Variants in POU2F1 observed in about 807,000 individuals in gnomAD.
The protein encoded by POU2F1 is POU class 2 homeobox 1.
POU2F1 carries 16 observed loss-of-function variants against 84.9 expected under a neutral mutation model. The ratio of observed to expected loss-of-function variants is 0.19; its 90% CI spans 0.13 to 0.29. The LOEUF is 0.29. POU2F1 is among the 10% of genes least tolerant of loss of function. POU2F1 has a pLI of 1.00. For synonymous variants in POU2F1, 368 were observed against 368.3 expected, an observed-to-expected ratio of 1.00 and a Z score of 0.01; for missense variants, 738 against 942.6, an observed-to-expected ratio of 0.78 and a Z score of 2.84.
chr1:167,404,631 G>A (rs1649442833), intron 13 of POU2F1, among the ~76,000 whole-genome samples: 2 of 152,202 alleles, frequency 1.3e-5, no homozygotes, highest in South Asian at 4.1e-4. Context: ...GGAGGGAAAG[G>A]CCCACTGTGA....
At chr1:167,384,431 A>G (rs1647804785) in intron 8 of POU2F1, among the ~76,000 whole-genome samples, 1 of 152,128 alleles carries the variant, frequency 6.6e-6, no homozygotes, top group East Asian at 1.9e-4. Context: ...TAGACATATA[A>G]AGGTTTAAAT....
At chr1:167,306,700 G>A (rs1187755360) in intron 1 of POU2F1, among the ~76,000 whole-genome samples, 4 of 152,074 alleles carry the variant, frequency 2.6e-5, no homozygotes, top group Non-Finnish European at 5.9e-5. Context: ...TCTTTCTGAG[G>A]GCTGTGAAGC....
intron 2 of POU2F1, among the ~76,000 whole-genome samples, chr1:167,338,779 T>C (rs1378618755): frequency 1.3e-5 from 2 of 152,240 alleles, no homozygotes; most frequent in Non-Finnish European, 2.9e-5. Flanking sequence ...TATTCCATTG[T>C]ATGTATATAC....
rs1650959008 is a variant in POU2F1, at chr1:167,426,487, G to T, written c.*10677G>T. On this transcript the variant is annotated 3_prime_UTR_variant, in exon 16 of 16. Transcript: ENST00000367866. ...TAATCTCCCACCAGGTGTCAATTTA[G>T]ATTGCATATTCCTCATTACTGTTCC... 2 of 152,184 alleles carry T rather than the reference G, an allele frequency of 1.3e-5. No homozygotes were observed. The highest frequency in any genetic ancestry group is 1.3e-4 in the Admixed American group (2 of 15,288). 9.4% of individuals were successfully genotyped at this position (152,184 alleles called of 1,614,324 possible). A position where few individuals can be genotyped will look rare whatever the true frequency, so the allele number is the denominator to read the frequency against.
At chr1:167,278,812 G>GAATTTAATAAAACTCTATTA (rs1652919808) in intron 1 of POU2F1, among the ~76,000 whole-genome samples, 1 of 150,678 alleles carries the variant, frequency 6.6e-6, no homozygotes, top group African/African-American at 2.4e-5. Context: ...TATTTTAATA[G>GAATTTAATAAAACTCTATTA]AATTTAATAA....
At chr1:167,221,708 G>A (rs1648205635) in intron 1 of POU2F1, among the ~76,000 whole-genome samples, 1 of 151,484 alleles carries the variant, frequency 6.6e-6, no homozygotes, top group East Asian at 2.0e-4. Flanking sequence ...CCAATGTGGT[G>A]GCCTGACCCA....
chr1:167,414,826 A>G, intron 15 of POU2F1: 1 of 754,350 alleles, frequency 1.3e-6, no homozygotes, highest in Non-Finnish European at 1.6e-6. Flanking sequence ...GGTGATACAT[A>G]ATTTATTTTA....
chr1:167,370,058 C>G, intron 3 of POU2F1, 103 bp from the exon 4 acceptor site: 1 of 952,192 alleles, frequency 1.1e-6, no homozygotes. Flanking sequence ...TTTGTCTTCT[C>G]AGTTCTAGCT....
chr1:167,286,159 A>G (rs1278587151), intron 1 of POU2F1, among the ~76,000 whole-genome samples: 1 of 152,218 alleles, frequency 6.6e-6, no homozygotes, highest in African/African-American at 2.4e-5. Context: ...AGTCAGTTTC[A>G]TTCAGCTTTT....
chr1:167,417,991 T>C lies in POU2F1; in HGVS notation c.*2181T>C, dbSNP rs1650418708. ...CACCTTCCCTAAAATCCTTCCAAAA[T>C]CAGTGAACTGCAAGCAGGGAAACTA... On this transcript the variant is annotated 3_prime_UTR_variant, in exon 16 of 16. Coordinates refer to ENST00000367866, the MANE Select transcript of POU2F1 (RefSeq NM_002697.4). 1 of 152,206 alleles carries C rather than the reference T, an allele frequency of 6.6e-6. No homozygotes were observed. Among genetic ancestry groups the C allele is most frequent in the African/African-American group, 2.4e-5 (1 of 41,452 alleles). The allele number at this position is 152,206 out of a possible 1,614,324, so 9.4% of individuals were successfully genotyped here.
intron 1 of POU2F1, among the ~76,000 whole-genome samples, chr1:167,247,181 T>C (rs1418494965): frequency 6.6e-6 from 1 of 151,996 alleles, no homozygotes; most frequent in Non-Finnish European, 1.5e-5. Context: ...GCTTAAGTGA[T>C]GTAACTGCCT....
At position 167,275,122 on chromosome 1, in the gene POU2F1, A is replaced by G. The variant is rs1035373220; in HGVS notation, c.61+54164A>G. ...ACGGCACCTTTGAGCTCCCAGGCTCAAGCAGTCCTTCCACCTCAGCCTTCC... is the reference window on the plus strand; with the variant it reads ...ACGGCACCTTTGAGCTCCCAGGCTCGAGCAGTCCTTCCACCTCAGCCTTCC... On this transcript the variant is annotated intron_variant, in intron 1 of 15. Transcript: ENST00000367866. Among the ~76,000 whole-genome samples the G allele has an allele frequency of 2.0e-5, 3 of 150,148 alleles. No homozygotes were observed. In the East Asian group the frequency reaches 5.9e-4, roughly 30 times the overall value.
At chr1:167,249,395 C>G (rs1557844826) in intron 1 of POU2F1, among the ~76,000 whole-genome samples, 1 of 152,174 alleles carries the variant, frequency 6.6e-6, no homozygotes, top group Non-Finnish European at 1.5e-5. Context: ...AGGAAACTTG[C>G]TAGGCAGTGT....
chr1:167,274,608 A>G (rs1193276029), intron 1 of POU2F1, among the ~76,000 whole-genome samples: 1 of 152,098 alleles, frequency 6.6e-6, no homozygotes, highest in African/African-American at 2.4e-5. Flanking sequence ...GCCCTAGTAA[A>G]TATAGACCAA....
At chr1:167,399,112 G>A in intron 11 of POU2F1, 74 bp from the exon 12 acceptor site, 1 of 1,419,178 alleles carries the variant, frequency 7.0e-7, no homozygotes, top group South Asian at 1.4e-5. Flanking sequence ...TTTCTAACCT[G>A]ACGTGATTAT....
intron 1 of POU2F1, among the ~76,000 whole-genome samples, chr1:167,296,978 A>ATGG (rs10686957): frequency 0.11 from 16,216 of 152,090 alleles, 2,136 homozygotes; most frequent in African/African-American, 0.32. Flanking sequence ...TAGGCTAGAA[A>ATGG]TGGTGCAGGT....
At chr1:167,380,210 C>T (rs1647415961) in intron 7 of POU2F1, 1 of 152,178 alleles carries the variant, frequency 6.6e-6, no homozygotes, top group Non-Finnish European at 1.5e-5. Context: ...GGAAAGTTAA[C>T]TTTATGGGCC....
intron 1 of POU2F1, among the ~76,000 whole-genome samples, chr1:167,253,900 C>T (rs1037358024): frequency 6.6e-6 from 1 of 152,056 alleles, no homozygotes; most frequent in Non-Finnish European, 1.5e-5. Flanking sequence ...CTATTTGCTC[C>T]TTGCTTTTCT....
intron 13 of POU2F1, among the ~76,000 whole-genome samples, chr1:167,409,235 C>T (rs1320374914): frequency 6.6e-6 from 1 of 152,098 alleles, no homozygotes; most frequent in African/African-American, 2.4e-5. Flanking sequence ...ATCTAAATTC[C>T]TCTTTCTGCA....
Sources: allele counts gnomAD v4.1 joint callset (sites outside exome capture counted in the v4.1 genomes callset), GRCh38; gene constraint gnomAD v4.1.1; transcripts MANE v1.5; gene names NCBI Gene and HGNC (gene_info 2026-07-23, HGNC 2026-07-21).